TMEM135: variants seen among roughly 807,000 people sequenced by gnomAD.
TMEM135 encodes the protein transmembrane protein 135.
A neutral mutation model predicts 60.3 loss-of-function variants in TMEM135; 30 were observed. The ratio of observed to expected loss-of-function variants is 0.50; its 90% CI spans 0.37 to 0.68. The LOEUF (loss-of-function observed/expected upper bound fraction) is 0.68, where lower values mean the gene tolerates loss of function less well. Ranked by LOEUF, TMEM135 falls within the 30% of genes least tolerant of loss-of-function variation. The pLI is 0.00. For missense variants in TMEM135, 468 were observed against 548.8 expected (o/e 0.85, Z 1.47); for synonymous variants, 190 against 186.7 (o/e 1.02, Z -0.14).
chr11:87,274,828 GTTTATATATTTATA>G (rs1565152100), intron 6 of TMEM135, among the ~76,000 whole-genome samples: 5 of 132,412 alleles, frequency 3.8e-5, no homozygotes, highest in South Asian at 4.6e-4. Flanking sequence ...GTGTGTGTGT[GTTTATATATTTATA>G]TATGTGTGTA....
chr11:87,254,624 C>G (rs569209632), intron 6 of TMEM135, among the ~76,000 whole-genome samples: 1 of 152,304 alleles, frequency 6.6e-6, no homozygotes, highest in Admixed American at 6.5e-5. Flanking sequence ...AGTTGAAGTG[C>G]AGTGCCAATG....
Position 87,326,205 on chromosome 11 carries a change from G to C in TMEM135, c.*4872G>C. ...ACCGTGGATAATAGGATGTTCCCTGGTCTTGGCATAGAGGCCATAGGCATA... is the reference window on the plus strand; with the variant it reads ...ACCGTGGATAATAGGATGTTCCCTGCTCTTGGCATAGAGGCCATAGGCATA... On this transcript the variant is annotated 3_prime_UTR_variant, in exon 15 of 15. Coordinates refer to ENST00000305494, the MANE Select transcript of TMEM135 (RefSeq NM_022918.4). 2.2e-6 allele frequency: 1 copy of C among 453,842 alleles called. No individual in the cohort carries two copies. The highest frequency in any genetic ancestry group is 4.4e-6 in the Non-Finnish European group (1 of 226,752). The allele number at this position is 453,842 out of a possible 1,614,324, so 28.1% of individuals were successfully genotyped here. A position where few individuals can be genotyped will look rare whatever the true frequency, so the allele number is the denominator to read the frequency against.
intron 1 of TMEM135, among the ~76,000 whole-genome samples, chr11:87,062,311 C>T (rs2135129503): frequency 7.1e-6 from 1 of 141,774 alleles, no homozygotes; most frequent in South Asian, 2.3e-4. Context: ...GCCCCTTTTT[C>T]TGGGCACTTT....
At chr11:87,163,975 C>T (rs1036950029) in intron 5 of TMEM135, among the ~76,000 whole-genome samples, 25 of 148,510 alleles carry the variant, frequency 1.7e-4, no homozygotes, top group Middle Eastern at 3.5e-3. Context: ...AAATTTTCTC[C>T]CATTTTGTAG....
chr11:87,137,161 T>C (rs1334854990), intron 4 of TMEM135, among the ~76,000 whole-genome samples: 1 of 152,104 alleles, frequency 6.6e-6, no homozygotes, highest in Non-Finnish European at 1.5e-5. Context: ...TAAAGCTCTG[T>C]TTTTAGATGC....
At chr11:87,156,879 G>C (rs1938708794) in intron 4 of TMEM135, among the ~76,000 whole-genome samples, 1 of 152,062 alleles carries the variant, frequency 6.6e-6, no homozygotes, top group Non-Finnish European at 1.5e-5. Context: ...ACTTGTCTAA[G>C]CAAACTAATT....
At chr11:87,082,749 T>A (rs1327828520) in intron 3 of TMEM135, among the ~76,000 whole-genome samples, 1 of 152,222 alleles carries the variant, frequency 6.6e-6, no homozygotes, top group Non-Finnish European at 1.5e-5. Context: ...CAGTTCAGTC[T>A]TTAAATTTAA....
chr11:87,265,461 A>T (rs1017325336), intron 6 of TMEM135, among the ~76,000 whole-genome samples: 1 of 151,778 alleles, frequency 6.6e-6, no homozygotes, highest in Non-Finnish European at 1.5e-5. Flanking sequence ...TGAGTCTATT[A>T]CTCCTCAATG....
chr11:87,184,193 G>A (rs1939594411), intron 5 of TMEM135, among the ~76,000 whole-genome samples: 1 of 152,010 alleles, frequency 6.6e-6, no homozygotes, highest in Admixed American at 6.6e-5. Flanking sequence ...AATTATCTGT[G>A]ATCCAAAGAA....
chr11:87,097,868 CA>C (rs1857367016), intron 4 of TMEM135, among the ~76,000 whole-genome samples: 2 of 152,204 alleles, frequency 1.3e-5, no homozygotes, highest in African/African-American at 4.8e-5. Context: ...TAGTAACAGT[CA>C]CCCTTCATGT....
chr11:87,152,684 C>A (rs968512764), intron 4 of TMEM135, among the ~76,000 whole-genome samples: 3 of 152,210 alleles, frequency 2.0e-5, no homozygotes, highest in African/African-American at 7.2e-5. Context: ...GGCGCCCCAC[C>A]CGCCTCGGCC....
At chr11:87,076,721 G>C (rs1856881307) in intron 3 of TMEM135, among the ~76,000 whole-genome samples, 1 of 152,128 alleles carries the variant, frequency 6.6e-6, no homozygotes, top group Non-Finnish European at 1.5e-5. Flanking sequence ...AATTATTCAG[G>C]GTCTAAGGGC....
At chr11:87,129,397 C>G (rs1379926787) in intron 4 of TMEM135, among the ~76,000 whole-genome samples, 1 of 151,702 alleles carries the variant, frequency 6.6e-6, no homozygotes, top group Non-Finnish European at 1.5e-5. Context: ...CGCACACCAC[C>G]ATGACTGGCT....
chr11:87,127,191 A>T (rs1411171766), intron 4 of TMEM135, among the ~76,000 whole-genome samples: 1 of 152,354 alleles, frequency 6.6e-6, no homozygotes, highest in Non-Finnish European at 1.5e-5. Context: ...GTTGTTAAAC[A>T]TTTCACTTTG....
intron 6 of TMEM135, among the ~76,000 whole-genome samples, chr11:87,239,236 T>C (rs1190449219): frequency 1.3e-5 from 2 of 152,034 alleles, no homozygotes; most frequent in Non-Finnish European, 2.9e-5. Context: ...ATAAACACTT[T>C]TAATTTTCTG....
chr11:87,121,679 TG>T (rs1434923304), intron 4 of TMEM135: 1 of 135,922 alleles, frequency 7.4e-6, no homozygotes, highest in Non-Finnish European at 1.5e-5. Context: ...CTTACCCTAT[TG>T]CCAAGGCTGG....
Position 87,328,233 on chromosome 11 carries a change from A to C in TMEM135, c.*6900A>C. 2 of 454,054 alleles carry C rather than the reference A, an allele frequency of 4.4e-6. No individual in the cohort carries two copies. The highest frequency in any genetic ancestry group is 8.8e-6 in the Non-Finnish European group (2 of 226,780). The allele number at this position is 454,054 out of a possible 1,614,324, so 28.1% of individuals were successfully genotyped here. A position where few individuals can be genotyped will look rare whatever the true frequency, so the allele number is the denominator to read the frequency against. ...ATATCCTTCTCTCTCTTGATTTAGAATTCTCTTTTTCTCCACTCTTCTGTG... is the reference window on the plus strand; with the variant it reads ...ATATCCTTCTCTCTCTTGATTTAGACTTCTCTTTTTCTCCACTCTTCTGTG... On this transcript the variant is annotated 3_prime_UTR_variant, in exon 15 of 15. Transcript: ENST00000305494.
intron 4 of TMEM135, among the ~76,000 whole-genome samples, chr11:87,122,467 T>A (rs917625035): frequency 4.2e-5 from 6 of 143,782 alleles, no homozygotes; most frequent in African/African-American, 1.3e-4. Flanking sequence ...TTATTTATTA[T>A]TTATTTTTTT....
intron 6 of TMEM135, among the ~76,000 whole-genome samples, chr11:87,268,051 C>G (rs1002262276): frequency 1.5e-4 from 23 of 151,824 alleles, no homozygotes; most frequent in African/African-American, 4.6e-4. Flanking sequence ...GATAACTAAA[C>G]AAAGTCCTGT....
Sources: allele counts gnomAD v4.1 joint callset (sites outside exome capture counted in the v4.1 genomes callset), GRCh38; gene constraint gnomAD v4.1.1; transcripts MANE v1.5; gene names NCBI Gene and HGNC (gene_info 2026-07-23, HGNC 2026-07-21).